TTN: variants seen among roughly 807,000 people sequenced by gnomAD.
The protein encoded by TTN is titin.
In TTN, 1,525 loss-of-function variants were observed where a neutral mutation model predicts 3,223.0. The ratio of observed to expected loss-of-function variants is 0.47; its 90% CI spans 0.45 to 0.49. The LOEUF (loss-of-function observed/expected upper bound fraction) is 0.49. TTN is among the 20% of genes least tolerant of loss of function. The pLI is 0.00. For synonymous variants in TTN, 14,094 were observed against 15,161.0 expected, an observed-to-expected ratio of 0.93 and a Z score of 5.17; for missense variants, 40,786 against 43,424.0, an observed-to-expected ratio of 0.94 and a Z score of 5.40.
chr2:178,701,764 T>C (rs575434099), intron 109 of TTN, among the ~76,000 whole-genome samples, 177 bp from the exon 110 acceptor site: 22 of 152,362 alleles, frequency 1.4e-4, no homozygotes, highest in African/African-American at 5.3e-4. Flanking sequence ...AGGTAAGTTT[T>C]GTTCACTGTC....
Position 178,560,079 on chromosome 2 carries a change from C to T in TTN, c.86053G>A (p.Gly28685Arg), listed in dbSNP as rs1267717857. ...PLFDGGAPIT[G>R]YTVEYKKSDD... ...GATTTTTTGTATTCTACAGTATATCCAGTTATCGGGGCCCCACCATCAAAC... is the reference window on the plus strand; with the variant it reads ...GATTTTTTGTATTCTACAGTATATCTAGTTATCGGGGCCCCACCATCAAAC... Residue 28685 changes from glycine (G) to arginine (R), a missense_variant, in exon 326 of 363, where the codon GGA becomes AGA. Gly to Arg is a moderately radical substitution (Grantham distance 125). Coordinates refer to ENST00000589042, the MANE Select transcript of TTN (RefSeq NM_001267550.2). 1 of 1,613,500 alleles carries T rather than the reference C, an allele frequency of 6.2e-7. No homozygotes were observed.
rs771672410 is a variant in TTN, at chr2:178,616,485, C to T, written c.48306G>A (p.Trp16102Ter). 1.2e-6 allele frequency: 2 copies of T among 1,612,108 alleles called. No homozygotes were observed. Among genetic ancestry groups the T allele is most frequent in the South Asian group, 2.2e-5 (2 of 90,978 alleles). The change falls in exon 257 of 363, where the codon TGG (tryptophan) becomes TGA (stop). Residue 16102 changes from tryptophan (W) to a stop codon, truncating the protein, a stop_gained. Transcript: ENST00000589042. LOFTEE classifies it high-confidence loss of function. ...AGTGCTGCTCAAAACTCACTTTAGT[C>T]CATGTTTTCCGGCTGACTTCTCGTT... Reference protein sequence around the residue: ...VEKREVSRKTWTKVMDFVTDL... With the variant: ...VEKREVSRKT
Position 178,650,784 on chromosome 2 carries a change from C to G in TTN, c.39676G>C (p.Val13226Leu). ...GGAGGAGACTCCGCTCTTTCTGGAA[C>G]AGGAACAGCTGGTTTCTCTTCCAAG... ...PVLEEKPAVP[V>L]PERAESPPPE... The change falls in exon 209 of 363, where the codon GTT (valine) becomes CTT (leucine). Residue 13226 changes from valine to leucine, a missense_variant. Val to Leu is a conservative substitution (Grantham distance 32). Transcript: ENST00000589042. 1 of 1,607,932 alleles carries G rather than the reference C, an allele frequency of 6.2e-7. No homozygotes were observed. The highest frequency in any genetic ancestry group is 1.1e-5 in the South Asian group (1 of 89,572).
Position 178,554,689 on chromosome 2 carries a change from AG to A in TTN, c.88657del (p.Leu29553PhefsTer59). The A allele has an allele frequency of 6.2e-7, 1 of 1,613,958 alleles. No individual in the cohort carries two copies. The highest frequency in any genetic ancestry group is 8.5e-7 in the Non-Finnish European group (1 of 1,179,850). ...ATCATCAGCTGGAGGCCGCCAGAGAAGGGTGATCTTCTCAGCAGTTACAGTC... is the reference window on the plus strand; with the variant it reads ...ATCATCAGCTGGAGGCCGCCAGAGAAGGTGATCTTCTCAGCAGTTACAGTC... The part of the protein sequence containing the change: ...FKTVTAEKIT[L>X]LWRPPADDGG... On this transcript the variant is annotated frameshift_variant, in exon 332 of 363. Transcript: ENST00000589042. LOFTEE classifies it high-confidence loss of function.
chr2:178,710,887 C>G lies in TTN; in HGVS notation c.28210G>C (p.Ala9404Pro). Residue 9404 changes from alanine to proline, a missense_variant, in exon 98 of 363, where the codon GCC becomes CCC. Ala to Pro is a conservative substitution (Grantham distance 27). Coordinates refer to ENST00000589042, the MANE Select transcript of TTN (RefSeq NM_001267550.2). The stretch of plus-strand genomic sequence containing the variant: ...TCTCCCACCACAGCATCCACAGGGG[C>G]AAGACGGATGTCAAAGAAGGGTGGG... Reference protein sequence around the residue: ...KNPPFFDIRLAPVDAVVGESA... With the variant: ...KNPPFFDIRLPPVDAVVGESA... The G allele has an allele frequency of 1.2e-6, 2 of 1,613,656 alleles. No homozygotes were observed. Among genetic ancestry groups the G allele is most frequent in the South Asian group, 2.2e-5 (2 of 91,076 alleles).
In TTN at chr2:178,636,427, TTTTC is replaced by T; in HGVS notation, c.41296_41299del (p.Glu13766ArgfsTer9). On this transcript the variant is annotated frameshift_variant, in exon 225 of 363. Coordinates refer to ENST00000589042, the MANE Select transcript of TTN (RefSeq NM_001267550.2). LOFTEE classifies it high-confidence loss of function. The surrounding 1 kb of genome is among the most constrained non-coding windows in gnomAD (Gnocchi z 4.3). ...TACAACAAGTTTAGCCGTGGAGGTC[TTTTC>T]TTTGTTTCCCAAACGTAAAACACAG... is the stretch of plus-strand genomic sequence containing the variant. The T allele has an allele frequency of 6.2e-7, 1 of 1,610,382 alleles. No homozygotes were observed. Among genetic ancestry groups the T allele is most frequent in the Non-Finnish European group, 8.5e-7 (1 of 1,177,796 alleles).
At chr2:178,712,661 C>G in intron 94 of TTN, 36 bp downstream of exon 94, 1 of 1,606,720 alleles carries the variant, frequency 6.2e-7, no homozygotes, top group Non-Finnish European at 8.5e-7. Flanking sequence ...CATCTAATTA[C>G]TAATCGTATA....
At chr2:178,749,126 TCA>T in intron 47 of TTN, 1 of 1,612,814 alleles carries the variant, frequency 6.2e-7, no homozygotes, top group Non-Finnish European at 8.5e-7. Flanking sequence ...AGAAATTCTC[TCA>T]GAGTGAATAT....
chr2:178,577,698 C>G lies in TTN; in HGVS notation c.68728G>C (p.Gly22910Arg). The G allele has an allele frequency of 6.2e-7, 1 of 1,613,280 alleles. No individual in the cohort carries two copies. Among genetic ancestry groups the G allele is most frequent in the South Asian group, 1.1e-5 (1 of 91,032 alleles). Residue 22910 changes from glycine (G) to arginine (R), a missense_variant, in exon 323 of 363, where the codon GGA becomes CGA. Transcript: ENST00000589042. ...AFTVTDLVEG[G>R]KYEFRIRAKN... ...GCTCTAATTCTGAATTCATATTTTC[C>G]ACCCTCAACAAGGTCAGTTACAGTA...
At chr2:178,790,522 A>G (rs2154353826) in intron 11 of TTN, among the ~76,000 whole-genome samples, 186 bp downstream of exon 11, 1 of 152,330 alleles carries the variant, frequency 6.6e-6, no homozygotes, top group African/African-American at 2.4e-5. Flanking sequence ...AACAAGCCAA[A>G]GAAAGTCTGA....
chr2:178,785,556 T>C, intron 15 of TTN, 64 bp downstream of exon 15: 2 of 1,609,698 alleles, frequency 1.2e-6, no homozygotes, highest in Non-Finnish European at 1.7e-6. Context: ...AGAGATGCTC[T>C]GTTTCACAGG....
At position 178,577,752 on chromosome 2, in the gene TTN, T is replaced by G; in HGVS notation, c.68674A>C (p.Asn22892His). The G allele has an allele frequency of 6.2e-7, 1 of 1,613,436 alleles. No homozygotes were observed. ...GCACATTCTGGGACATTAACATGGT[T>G]GGCTTTCATCCAAGACTTCGAAGGT... ...DLPSKSWMKANHVNVPECAFT... is the reference protein window; with the variant it reads ...DLPSKSWMKAHHVNVPECAFT... The change falls in exon 323 of 363, where the codon AAC (asparagine) becomes CAC (histidine). Residue 22892 changes from asparagine to histidine, a missense_variant. By Grantham distance (68) the Asn-to-His change is moderately conservative. Coordinates refer to ENST00000589042, the MANE Select transcript of TTN (RefSeq NM_001267550.2).
rs767025609 is a variant in TTN, at chr2:178,709,576, G to T, written c.28743C>A (p.Ile9581=). 3.7e-6 allele frequency: 6 copies of T among 1,605,128 alleles called. No individual in the cohort carries two copies. Among genetic ancestry groups the T allele is most frequent in the South Asian group, 1.1e-5 (1 of 90,830 alleles). The change falls in exon 99 of 363, where the codon ATC becomes ATA. Residue 9581 remains isoleucine (I), a synonymous_variant. Transcript: ENST00000589042. ...DAGSALCTSS[I]VIKEPKKPPV... ...GTGAGGATAACTCACCTTTGATGAC[G>T]ATTGAAGACGTGCACAGAGCAGAGC... is the stretch of plus-strand genomic sequence containing the variant.
Position 178,561,693 on chromosome 2 carries a change from C to G in TTN, c.84439G>C (p.Val28147Leu). Residue 28147 changes from valine to leucine, a missense_variant, in exon 326 of 363, where the codon GTT (valine) becomes CTT (leucine). Physicochemically the swap from Val to Leu is conservative, Grantham distance 32. Transcript: ENST00000589042. ...GGGGGACTGAATGGATACTCTGCAACAACAGCTGAAGATTCACTGTAGGAG... is the reference window on the plus strand; with the variant it reads ...GGGGGACTGAATGGATACTCTGCAAGAACAGCTGAAGATTCACTGTAGGAG... ...KSSYSESSAV[V>L]AEYPFSPPGP... 1 of 1,607,536 alleles carries G rather than the reference C, an allele frequency of 6.2e-7. No individual in the cohort carries two copies. Among genetic ancestry groups the G allele is most frequent in the Non-Finnish European group, 8.5e-7 (1 of 1,175,826 alleles).
At chr2:178,650,305 A>G (rs1400393642) in intron 209 of TTN, 34 bp from the exon 210 acceptor site, 2 of 1,502,096 alleles carry the variant, frequency 1.3e-6, no homozygotes, top group East Asian at 2.5e-5. Context: ...ATTTCAATGT[A>G]TGGAACAATA....
chr2:178,753,016 T>C (rs2085977736), intron 47 of TTN, 108 bp downstream of exon 47: 3 of 845,026 alleles, frequency 3.6e-6, no homozygotes, highest in Non-Finnish European at 3.8e-6. Context: ...TATATTTGTA[T>C]ATCTATGTCA....
Position 178,552,292 on chromosome 2 carries a change from G to C in TTN, c.90608C>G (p.Thr30203Ser). Residue 30203 changes from threonine (T) to serine (S), a missense_variant, in exon 335 of 363, where the codon ACT (threonine) becomes AGT (serine). By Grantham distance (58) the Thr-to-Ser change is moderately conservative (BLOSUM62 1). Coordinates refer to ENST00000589042, the MANE Select transcript of TTN (RefSeq NM_001267550.2). ...NAKKEHGGKY[T>S]VILDNAVCRI... ...ACACACTGCATTATCAAGAATAACA[G>C]TGTATTTTCCTCCATGCTCCTTCTT... is the stretch of plus-strand genomic sequence containing the variant. The C allele has an allele frequency of 4.3e-6, 7 of 1,613,316 alleles. No homozygotes were observed. The highest frequency in any genetic ancestry group is 5.9e-6 in the Non-Finnish European group (7 of 1,179,608).
chr2:178,548,303 A>C lies in TTN; in HGVS notation c.93323T>G (p.Ile31108Ser). 1.9e-6 allele frequency: 3 copies of C among 1,613,876 alleles called. No individual in the cohort carries two copies. The highest frequency in any genetic ancestry group is 1.3e-5 in the African/African-American group (1 of 75,040). ...VGEPYEMPEP[I>S]VATEQPAPPR... ...TGGAGCAGGCTGTTCTGTGGCTACA[A>C]TTGGTTCTGGCATTTCATAGGGCTC... The change falls in exon 339 of 363, where the codon ATT becomes AGT. Residue 31108 changes from isoleucine (I) to serine (S), a missense_variant. Coordinates refer to ENST00000589042, the MANE Select transcript of TTN (RefSeq NM_001267550.2). This position sits in a 1 kb window ranked among gnomAD's most constrained non-coding sequence, Gnocchi z 4.3.
chr2:178,612,498 T>C lies in TTN; in HGVS notation c.50027A>G (p.Glu16676Gly). Residue 16676 changes from glutamate to glycine, a missense_variant, in exon 266 of 363, where the codon GAG becomes GGG. By Grantham distance (98) the Glu-to-Gly change is moderately conservative. Coordinates refer to ENST00000589042, the MANE Select transcript of TTN (RefSeq NM_001267550.2). ...NTADLKWTVP[E>G]KDGGSPITNY... Reference sequence around the variant, plus strand: ...GGTGATGGGGGACCCTCCATCTTTCTCAGGAACTGTCCATTTTAGGTCTGC... The same window carrying C: ...GGTGATGGGGGACCCTCCATCTTTCCCAGGAACTGTCCATTTTAGGTCTGC... 6.2e-7 allele frequency: 1 copy of C among 1,612,162 alleles called. No individual in the cohort carries two copies. Among genetic ancestry groups the C allele is most frequent in the Non-Finnish European group, 8.5e-7 (1 of 1,179,152 alleles).
Sources: allele counts gnomAD v4.1 joint callset (sites outside exome capture counted in the v4.1 genomes callset), GRCh38; gene constraint gnomAD v4.1.1; non-coding constraint Gnocchi (gnomAD v3.1); transcripts MANE v1.5; gene names NCBI Gene and HGNC (gene_info 2026-07-23, HGNC 2026-07-21).